The following CTNNA2 variants were observed in gnomAD, a reference collection of about 807,000 sequenced individuals.
CTNNA2 encodes catenin alpha-2.
In CTNNA2, 42 loss-of-function variants were observed where a neutral mutation model predicts 101.0. That is an observed-to-expected ratio of 0.42 (90% CI 0.32 to 0.54). The LOEUF (loss-of-function observed/expected upper bound fraction) is 0.54, where lower values mean the gene tolerates loss of function less well. Among genes scored for constraint, CTNNA2 ranks in the 20% least tolerant of loss-of-function variants. The pLI is 0.14. For synonymous variants in CTNNA2, 450 were observed against 456.4 expected (o/e 0.99, Z 0.18); for missense variants, 871 against 1,223.1 (o/e 0.71, Z 4.29).
At chr2:79,417,015 G>A (rs1364513375) in intron 4 of CTNNA2, among the ~76,000 whole-genome samples, 1 of 151,974 alleles carries the variant, frequency 6.6e-6, no homozygotes, top group Non-Finnish European at 1.5e-5. Flanking sequence ...GGAACTCTGT[G>A]GCCCAAACTA....
chr2:79,346,194 G>T (rs1319588433), intron 3 of CTNNA2, among the ~76,000 whole-genome samples: 1 of 152,114 alleles, frequency 6.6e-6, no homozygotes, highest in Non-Finnish European at 1.5e-5. Flanking sequence ...CTTATGTTTT[G>T]TCTCTGGCCT....
At chr2:80,018,740 C>T (rs915214724) in intron 7 of CTNNA2, among the ~76,000 whole-genome samples, 1 of 148,370 alleles carries the variant, frequency 6.7e-6, no homozygotes, top group Non-Finnish European at 1.5e-5. Flanking sequence ...AAGATCGTGC[C>T]ACTGCACTCC....
chr2:80,303,864 C>G lies in CTNNA2; in HGVS notation c.1057-89347C>G. 2 of 1,468,760 alleles carry G rather than the reference C, an allele frequency of 1.4e-6. No homozygotes were observed. Among genetic ancestry groups the G allele is most frequent in the Non-Finnish European group, 9.0e-7 (1 of 1,108,302 alleles). 91.0% of individuals were successfully genotyped at this position (1,468,760 alleles called of 1,614,324 possible). A position where few individuals can be genotyped will look rare whatever the true frequency, so the allele number is the denominator to read the frequency against. On this transcript the variant is annotated intron_variant, in intron 7 of 18. Transcript: ENST00000402739. This position sits in a 1 kb window ranked among gnomAD's most constrained non-coding sequence, Gnocchi z 7.7. ...GAGACTGGAGAATGTCCATTGGAAG[C>G]GCTCGGTCAGAAATCTACATCATAT...
intron 7 of CTNNA2, among the ~76,000 whole-genome samples, chr2:80,315,686 A>G (rs1678051345): frequency 6.6e-6 from 1 of 152,216 alleles, no homozygotes; most frequent in Admixed American, 6.5e-5. Context: ...AGCCAATCAC[A>G]TGGTCAGTCT....
intron 2 of CTNNA2, among the ~76,000 whole-genome samples, chr2:79,252,268 G>T (rs546800715): frequency 6.7e-6 from 1 of 148,482 alleles, no homozygotes; most frequent in Non-Finnish European, 1.5e-5. Context: ...AGTCCCTCAA[G>T]TTAAAAGAGC....
chr2:80,148,324 A>G (rs11681767), intron 7 of CTNNA2, among the ~76,000 whole-genome samples: 17,926 of 152,230 alleles, frequency 0.12, 2,564 homozygotes, highest in African/African-American at 0.34. Flanking sequence ...AAGTTGGGAA[A>G]CATCATGTGA....
intron 2 of CTNNA2, among the ~76,000 whole-genome samples, chr2:79,664,266 T>C (rs935900964): frequency 3.3e-5 from 5 of 152,200 alleles, no homozygotes; most frequent in African/African-American, 1.2e-4. Flanking sequence ...TCTTTAAAAA[T>C]TAGTTTTGCT....
chr2:80,355,182 C>A (rs2149305423), intron 7 of CTNNA2, among the ~76,000 whole-genome samples: 1 of 152,064 alleles, frequency 6.6e-6, no homozygotes, highest in East Asian at 1.9e-4. Context: ...TCTTTTTTTC[C>A]TTAGTAATAT....
intron 8 of CTNNA2, among the ~76,000 whole-genome samples, chr2:80,403,044 A>T (rs1364956206): frequency 2.0e-5 from 3 of 152,148 alleles, no homozygotes; most frequent in African/African-American, 7.2e-5. Flanking sequence ...TGTGTGCAAC[A>T]CTTTAAAAAA....
chr2:80,041,996 G>C (rs1696094938), intron 7 of CTNNA2, among the ~76,000 whole-genome samples: 1 of 152,128 alleles, frequency 6.6e-6, no homozygotes, highest in Non-Finnish European at 1.5e-5. Context: ...ACAGAGCCTT[G>C]CTCTATTGCC....
At position 79,649,620 on chromosome 2, in the gene CTNNA2, C is replaced by T. The variant is rs116706330; in HGVS notation, c.-5-1932C>T. ...GAATTCTGTATATGACAGAGCTGCT[C>T]TATGGCAGTTGGTAGTGTGAATGGA... is the stretch of plus-strand genomic sequence containing the variant. On this transcript the variant is annotated intron_variant, in intron 1 of 18. Coordinates refer to ENST00000402739, the MANE Select transcript of CTNNA2 (RefSeq NM_001282597.3). 8.5e-3 allele frequency among the ~76,000 whole-genome samples: 1,292 copies of T among 152,244 alleles called. 26 individuals are homozygous for T. Among genetic ancestry groups the T allele is most frequent in the African/African-American group, 0.028 (1,175 of 41,536 alleles).
At chr2:79,815,470 G>A (rs1038475463) in intron 3 of CTNNA2, among the ~76,000 whole-genome samples, 23 of 151,932 alleles carry the variant, frequency 1.5e-4, no homozygotes, top group African/African-American at 5.1e-4. Flanking sequence ...TGAGGATCCA[G>A]TTTCATGTGG....
At chr2:79,332,077 A>T (rs549625053) in intron 3 of CTNNA2, among the ~76,000 whole-genome samples, 3 of 152,110 alleles carry the variant, frequency 2.0e-5, no homozygotes, top group Non-Finnish European at 4.4e-5. Context: ...ACATTGCGAG[A>T]TGGGGTTAGG....
intron 2 of CTNNA2, among the ~76,000 whole-genome samples, chr2:79,692,801 C>A (rs1483405045): frequency 1.4e-5 from 2 of 142,426 alleles, no homozygotes; most frequent in Non-Finnish European, 3.0e-5. Context: ...CATGTTCTCA[C>A]TCATAAGTAG....
At chr2:79,916,708 T>G (rs7595151) in intron 7 of CTNNA2, among the ~76,000 whole-genome samples, 88,290 of 150,204 alleles carry the variant, frequency 0.59, 26,195 homozygotes, top group East Asian at 0.78. Context: ...TCAGCCTCGC[T>G]AGTAGCTGGG....
chr2:79,556,941 GT>G (rs1674485006), intron 1 of CTNNA2, among the ~76,000 whole-genome samples: 1 of 151,954 alleles, frequency 6.6e-6, no homozygotes, highest in African/African-American at 2.4e-5. Flanking sequence ...TATCTCCTGA[GT>G]TAAGTTACCC....
intron 3 of CTNNA2, among the ~76,000 whole-genome samples, chr2:79,771,328 A>G (rs1159207079): frequency 6.6e-6 from 1 of 152,230 alleles, no homozygotes; most frequent in Admixed American, 6.5e-5. Flanking sequence ...CCTTTCTGGC[A>G]CCAGGGACCA....
intron 3 of CTNNA2, among the ~76,000 whole-genome samples, chr2:79,853,808 A>G: frequency 6.6e-6 from 1 of 151,524 alleles, no homozygotes; most frequent in East Asian, 2.0e-4. Flanking sequence ...AGCTGGGATT[A>G]CAGGCATGTG....
chr2:79,736,173 G>A (rs1210562107), intron 2 of CTNNA2, among the ~76,000 whole-genome samples: 1 of 152,106 alleles, frequency 6.6e-6, no homozygotes, highest in East Asian at 1.9e-4. Flanking sequence ...TTGTTGGTCT[G>A]CCTTTCTCTC....
Sources: gnomAD v4.1 joint callset for allele counts (sites outside exome capture counted in the v4.1 genomes callset) on GRCh38, gnomAD v4.1.1 for gene constraint, Gnocchi (gnomAD v3.1) non-coding constraint, MANE v1.5 for transcripts, NCBI Gene and HGNC (gene_info 2026-07-23, HGNC 2026-07-21) for gene names.